Variants in ATRNL1 observed in about 807,000 individuals in gnomAD.
ATRNL1 encodes the protein attractin like 1.
ATRNL1 carries 95 observed loss-of-function variants against 182.7 expected under a neutral mutation model. That is an observed-to-expected ratio of 0.52 (90% confidence interval 0.44 to 0.62). The LOEUF (loss-of-function observed/expected upper bound fraction) is 0.62, where lower values mean the gene tolerates loss of function less well. Among genes scored for constraint, ATRNL1 ranks in the 20% least tolerant of loss-of-function variants. The pLI is 0.00. For missense variants in ATRNL1, 1,471 were observed against 1,679.5 expected, an observed-to-expected ratio of 0.88 and a Z score of 2.17; for synonymous variants, 576 against 568.3, an observed-to-expected ratio of 1.01 and a Z score of -0.19.
At chr10:115,906,985 G>C (rs548640541) in intron 28 of ATRNL1, among the ~76,000 whole-genome samples, 1 of 152,048 alleles carries the variant, frequency 6.6e-6, no homozygotes. Flanking sequence ...TCAACTCAGT[G>C]CTGAAAGAGT....
chr10:115,843,612 T>G (rs1231798399), intron 27 of ATRNL1, among the ~76,000 whole-genome samples: 1 of 151,974 alleles, frequency 6.6e-6, no homozygotes, highest in Non-Finnish European at 1.5e-5. Flanking sequence ...CTGGGAACAG[T>G]TGTTGAACAG....
chr10:115,536,923 C>A (rs1198705315), intron 25 of ATRNL1, among the ~76,000 whole-genome samples: 1 of 152,022 alleles, frequency 6.6e-6, no homozygotes, highest in Non-Finnish European at 1.5e-5. Context: ...GTTTTTTAAA[C>A]AATGTGTAAG....
At chr10:115,670,632 A>T (rs1945668229) in intron 26 of ATRNL1, among the ~76,000 whole-genome samples, 1 of 152,158 alleles carries the variant, frequency 6.6e-6, no homozygotes, top group Non-Finnish European at 1.5e-5. Flanking sequence ...TGTGGATGCC[A>T]TATACATGTT....
At chr10:115,502,071 G>C (rs1325683379) in intron 24 of ATRNL1, among the ~76,000 whole-genome samples, 1 of 152,098 alleles carries the variant, frequency 6.6e-6, no homozygotes, top group African/African-American at 2.4e-5. Context: ...TGTTATGTCT[G>C]TGGCACACAA....
At chr10:115,280,757 G>T (rs1223103434) in intron 13 of ATRNL1, among the ~76,000 whole-genome samples, 1 of 152,178 alleles carries the variant, frequency 6.6e-6, no homozygotes, top group Non-Finnish European at 1.5e-5. Flanking sequence ...GTTCGTGGGG[G>T]CTTCTTCTAT....
At chr10:115,139,125 A>G (rs1217247266) in intron 5 of ATRNL1, among the ~76,000 whole-genome samples, 1 of 152,084 alleles carries the variant, frequency 6.6e-6, no homozygotes, top group Non-Finnish European at 1.5e-5. Flanking sequence ...ATCTGAGACC[A>G]CCTCAGCCTG....
At chr10:115,669,664 A>G (rs1945634593) in intron 26 of ATRNL1, among the ~76,000 whole-genome samples, 2 of 152,132 alleles carry the variant, frequency 1.3e-5, no homozygotes, top group Non-Finnish European at 2.9e-5. Context: ...ACATTCTGCT[A>G]AGCAATAAAT....
At chr10:115,708,579 T>C (rs1248369265) in intron 26 of ATRNL1, among the ~76,000 whole-genome samples, 1 of 151,800 alleles carries the variant, frequency 6.6e-6, no homozygotes, top group Non-Finnish European at 1.5e-5. Flanking sequence ...CAAGTGACAT[T>C]ATATTTGCTC....
intron 28 of ATRNL1, among the ~76,000 whole-genome samples, chr10:115,928,778 A>G (rs1381298483): frequency 2.6e-5 from 4 of 151,882 alleles, no homozygotes; most frequent in African/African-American, 9.7e-5. Context: ...ATGATAAAAT[A>G]TTTTTCAACT....
chr10:115,841,820 G>C (rs1555097253), intron 27 of ATRNL1, among the ~76,000 whole-genome samples: 1 of 151,904 alleles, frequency 6.6e-6, no homozygotes. Context: ...ATCTGTTTTT[G>C]AAATCTGGAA....
At chr10:115,774,857 A>G (rs781876480) in intron 27 of ATRNL1, among the ~76,000 whole-genome samples, 1 of 151,646 alleles carries the variant, frequency 6.6e-6, no homozygotes, top group Non-Finnish European at 1.5e-5. Context: ...AGTTGGAGTT[A>G]GTGAAGTCAT....
Position 115,532,306 on chromosome 10 carries a change from G to A in ATRNL1, c.3716+12982G>A, listed in dbSNP as rs140693449. Among the ~76,000 whole-genome samples the A allele has an allele frequency of 1.2e-3, 183 of 152,018 alleles. 1 individual carries two copies. The highest frequency in any genetic ancestry group is 4.2e-3 in the African/African-American group (173 of 41,452). Reference sequence around the variant, plus strand: ...TCTTTGTGTCCTCTTTTATTTCATCGAGTGCTGGTTTGTAGTTCTCCTTGA... The same window carrying A: ...TCTTTGTGTCCTCTTTTATTTCATCAAGTGCTGGTTTGTAGTTCTCCTTGA... On this transcript the variant is annotated intron_variant, in intron 25 of 28. Coordinates refer to ENST00000355044, the MANE Select transcript of ATRNL1 (RefSeq NM_207303.4).
At position 115,426,268 on chromosome 10, in the gene ATRNL1, C is replaced by A. The variant is rs370258383; in HGVS notation, c.3288C>A (p.Arg1096=). ...DQCQLCDSEN[R]YVGNPLRGTC... is the part of the protein sequence containing the mutation. The stretch of plus-strand genomic sequence containing the variant: ...TCTGCAGATGTGACTCTGAAAATCG[C>A]TATGTTGGTAATCCACTTAGAGGAA... Residue 1096 remains arginine (R), a synonymous_variant, in exon 21 of 29, where the codon CGC becomes CGA. Coordinates refer to ENST00000355044, the MANE Select transcript of ATRNL1 (RefSeq NM_207303.4). 2.5e-6 allele frequency: 4 copies of A among 1,612,160 alleles called. No individual in the cohort carries two copies. In the African/African-American group the frequency reaches 4.0e-5, roughly 16 times the overall value.
intron 8 of ATRNL1, among the ~76,000 whole-genome samples, chr10:115,181,824 G>C (rs1847758063): frequency 1.3e-5 from 2 of 151,620 alleles, no homozygotes; most frequent in South Asian, 4.1e-4. Flanking sequence ...TCCGCTTTTA[G>C]TTTTTGTTGA....
At chr10:115,897,617 C>T (rs1355784571) in intron 28 of ATRNL1, among the ~76,000 whole-genome samples, 3 of 152,082 alleles carry the variant, frequency 2.0e-5, no homozygotes, top group African/African-American at 7.2e-5. Context: ...GGGAGAGTGT[C>T]CTCACAAAGG....
chr10:115,676,871 C>T (rs899635430), intron 26 of ATRNL1, among the ~76,000 whole-genome samples: 1 of 151,970 alleles, frequency 6.6e-6, no homozygotes, highest in Non-Finnish European at 1.5e-5. Context: ...GTCAGATATG[C>T]TTAAATATCG....
At chr10:115,183,900 C>A (rs1847839565) in intron 8 of ATRNL1, among the ~76,000 whole-genome samples, 1 of 151,400 alleles carries the variant, frequency 6.6e-6, no homozygotes, top group African/African-American at 2.4e-5. Flanking sequence ...AAACCTTTCC[C>A]CGTTAAATAT....
chr10:115,309,999 G>A (rs192061779), intron 17 of ATRNL1, among the ~76,000 whole-genome samples: 221 of 152,100 alleles, frequency 1.5e-3, no homozygotes, highest in African/African-American at 5.0e-3. Flanking sequence ...GTCATATATG[G>A]CTTTTATTAT....
intron 26 of ATRNL1, among the ~76,000 whole-genome samples, chr10:115,657,536 G>A (rs1298138018): frequency 1.3e-5 from 2 of 152,106 alleles, no homozygotes; most frequent in East Asian, 3.8e-4. Context: ...ATATAGTTAG[G>A]GATTGGATTT....
Sources: allele counts gnomAD v4.1 joint callset (sites outside exome capture counted in the v4.1 genomes callset), GRCh38; gene constraint gnomAD v4.1.1; transcripts MANE v1.5; gene names NCBI Gene and HGNC (gene_info 2026-07-23, HGNC 2026-07-21).